Variants in PIGK observed in about 807,000 individuals in gnomAD.
PIGK encodes the protein GPI-anchor transamidase.
A neutral mutation model predicts 50.6 loss-of-function variants in PIGK; 42 were observed. The ratio of observed to expected loss-of-function variants is 0.83; its 90% CI spans 0.65 to 1.07. The LOEUF (loss-of-function observed/expected upper bound fraction) is 1.07. Ranked by LOEUF, PIGK falls within the 50% of genes least tolerant of loss-of-function variation. PIGK has a pLI of 0.00. For missense variants in PIGK, 448 were observed against 488.7 expected (o/e 0.92, Z 0.78); for synonymous variants, 151 against 156.0 (o/e 0.97, Z 0.24).
At chr1:77,182,505 A>AATCT (rs59731037) in intron 3 of PIGK, among the ~76,000 whole-genome samples, 88,126 of 150,156 alleles carry the variant, frequency 0.59, 27,951 homozygotes, top group Non-Finnish European at 0.72. Flanking sequence ...ACCCAGGATC[A>AATCT]ATCTATCTAT....
chr1:77,169,885 T>C (rs558686465), intron 3 of PIGK, among the ~76,000 whole-genome samples: 2 of 152,322 alleles, frequency 1.3e-5, no homozygotes, highest in South Asian at 2.1e-4. Flanking sequence ...GAATCCCAAA[T>C]GCTTGAGTAT....
Position 77,162,936 on chromosome 1 carries a change from T to C in PIGK, c.584+910A>G, listed in dbSNP as rs542544651. On this transcript the variant is annotated intron_variant, in intron 6 of 10. Coordinates refer to ENST00000370812, the MANE Select transcript of PIGK (RefSeq NM_005482.3). ...TGTGTCAAGTTTGGCAAGTTACTAC[T>C]AGCTGTGTAAAGTTCCACAAGTTAT... Among the ~76,000 whole-genome samples the C allele has an allele frequency of 4.6e-5, 7 of 152,300 alleles. No homozygotes were observed. In the East Asian group the frequency reaches 9.6e-4, roughly 21 times the overall value.
At chr1:77,142,360 C>G (rs931466119) in intron 9 of PIGK, among the ~76,000 whole-genome samples, 1 of 152,118 alleles carries the variant, frequency 6.6e-6, no homozygotes, top group African/African-American at 2.4e-5. Context: ...AGATGGCACA[C>G]TTTTAAAAAG....
chr1:77,117,545 G>A (rs772522615), intron 10 of PIGK, among the ~76,000 whole-genome samples: 9 of 152,154 alleles, frequency 5.9e-5, no homozygotes, highest in Non-Finnish European at 1.2e-4. Context: ...GAAGACAAGA[G>A]GGTGTTTCTC....
intron 9 of PIGK, among the ~76,000 whole-genome samples, chr1:77,128,917 A>G (rs1654290781): frequency 1.3e-5 from 2 of 152,154 alleles, no homozygotes; most frequent in Non-Finnish European, 2.9e-5. Context: ...ATGTTTTTGA[A>G]TGGTTAGAAA....
At chr1:77,116,455 G>A (rs993669848) in intron 10 of PIGK, among the ~76,000 whole-genome samples, 2 of 151,988 alleles carry the variant, frequency 1.3e-5, no homozygotes, top group African/African-American at 4.8e-5. Flanking sequence ...AAAGTGCTGG[G>A]ATTACAGGCG....
intron 9 of PIGK, among the ~76,000 whole-genome samples, chr1:77,145,466 C>T (rs116479519): frequency 0.013 from 1,915 of 152,020 alleles, 40 homozygotes; most frequent in African/African-American, 0.044. Context: ...TTAAAAATAA[C>T]ATACAAAATG....
intron 5 of PIGK, among the ~76,000 whole-genome samples, chr1:77,164,158 G>C (rs1235493616): frequency 6.6e-6 from 1 of 151,952 alleles, no homozygotes. Flanking sequence ...TCTTTAATAG[G>C]GTTTCTAATA....
intron 10 of PIGK, among the ~76,000 whole-genome samples, chr1:77,103,806 G>A (rs1480567778): frequency 6.6e-6 from 1 of 152,092 alleles, no homozygotes; most frequent in African/African-American, 2.4e-5. Flanking sequence ...GAATCTACCT[G>A]CGTTTTTGGC....
At chr1:77,138,747 G>A (rs540453244) in intron 9 of PIGK, among the ~76,000 whole-genome samples, 150 of 152,248 alleles carry the variant, frequency 9.9e-4, no homozygotes, top group Non-Finnish European at 1.7e-3. Flanking sequence ...ACCTTAATCC[G>A]TGAGGATCCT....
intron 10 of PIGK, among the ~76,000 whole-genome samples, chr1:77,094,317 A>G (rs758854263): frequency 3.3e-5 from 5 of 152,168 alleles, no homozygotes; most frequent in Non-Finnish European, 4.4e-5. Flanking sequence ...ATGGCATTTA[A>G]AAACACTCAC....
chr1:77,149,583 T>C (rs1654847978), intron 9 of PIGK, among the ~76,000 whole-genome samples: 1 of 152,092 alleles, frequency 6.6e-6, no homozygotes, highest in African/African-American at 2.4e-5. Context: ...CCCATTGCAG[T>C]ATTACCCAAA....
chr1:77,111,450 CT>C (rs1349484455), intron 10 of PIGK, among the ~76,000 whole-genome samples: 4 of 152,044 alleles, frequency 2.6e-5, no homozygotes, highest in African/African-American at 9.7e-5. Flanking sequence ...AATTCCTGTC[CT>C]TTGTAGGGAC....
At chr1:77,182,001 A>G (rs1310366970) in intron 3 of PIGK, among the ~76,000 whole-genome samples, 1 of 152,204 alleles carries the variant, frequency 6.6e-6, no homozygotes, top group Admixed American at 6.5e-5. Flanking sequence ...AATGTTGAAC[A>G]ATTAGCATTC....
At chr1:77,132,553 T>C (rs1161944628) in intron 9 of PIGK, among the ~76,000 whole-genome samples, 1 of 152,054 alleles carries the variant, frequency 6.6e-6, no homozygotes, top group Non-Finnish European at 1.5e-5. Flanking sequence ...TACATTTTAA[T>C]TCTATGAATA....
chr1:77,214,864 T>C lies in PIGK; in HGVS notation c.94-4375A>G, dbSNP rs116590515. 5.4e-3 allele frequency among the ~76,000 whole-genome samples: 817 copies of C among 152,222 alleles called. 2 individuals are homozygous for C. Among genetic ancestry groups the C allele is most frequent in the Non-Finnish European group, 9.3e-3 (630 of 67,964 alleles). ...GCGTTTCTATATACCAATAATGAAC[T>C]AGTTGAAGAAAAATCAGGAATGCAA... On this transcript the variant is annotated intron_variant, in intron 1 of 10. Coordinates refer to ENST00000370812, the MANE Select transcript of PIGK (RefSeq NM_005482.3).
chr1:77,138,690 G>A (rs1570214434), intron 9 of PIGK, among the ~76,000 whole-genome samples: 2 of 152,144 alleles, frequency 1.3e-5, no homozygotes, highest in South Asian at 2.1e-4. Context: ...ATACTCTCAC[G>A]GGATTAGCTT....
intron 4 of PIGK, 26 bp downstream of exon 4, chr1:77,169,234 A>C (rs760250643): frequency 1.4e-6 from 2 of 1,430,976 alleles, no homozygotes; most frequent in African/African-American, 2.9e-5. Flanking sequence ...GCCATTTTAA[A>C]AATGTGGCTA....
At chr1:77,209,414 C>G (rs1400169404) in intron 2 of PIGK, among the ~76,000 whole-genome samples, 1 of 151,910 alleles carries the variant, frequency 6.6e-6, no homozygotes, top group East Asian at 1.9e-4. Context: ...AATAAGCAGG[C>G]CTTACTAAAA....
Sources: gnomAD v4.1 joint callset for allele counts (sites outside exome capture counted in the v4.1 genomes callset) on GRCh38, gnomAD v4.1.1 for gene constraint, MANE v1.5 for transcripts, NCBI Gene and HGNC (gene_info 2026-07-23, HGNC 2026-07-21) for gene names.